The following ADGRD2 variants were observed in gnomAD, a reference collection of about 807,000 sequenced individuals.
The protein encoded by ADGRD2 is G protein-coupled receptor PGR24.
In ADGRD2, 71 loss-of-function variants were observed where a neutral mutation model predicts 44.4. The observed-to-expected ratio is 1.60, with a 90% CI of 1.32 to 1.95. ADGRD2 has a LOEUF of 1.95. ADGRD2 is among the 30% of genes most tolerant of loss of function. ADGRD2 has a pLI of 0.00. For synonymous variants in ADGRD2, 481 were observed against 224.8 expected (o/e 2.14, Z -10.19); for missense variants, 1,039 against 512.4 (o/e 2.03, Z -9.92).
Position 124,458,196 on chromosome 9 carries a change from C to T in ADGRD2, c.1726C>T (p.Gln576Ter), listed in dbSNP as rs376420490. 27 of 718,402 alleles carry T rather than the reference C, an allele frequency of 3.8e-5. No individual in the cohort carries two copies. Among genetic ancestry groups the T allele is most frequent in the Non-Finnish European group, 6.2e-5 (24 of 385,062 alleles). The allele number at this position is 718,402 out of a possible 1,614,324, so 44.5% of individuals were successfully genotyped here. ...CCTAGAGGGACCGGACCTAGAGCCCCAGGCCCCTGCCAGCTCAGAGGAGGC... is the reference window on the plus strand; with the variant it reads ...CCTAGAGGGACCGGACCTAGAGCCCTAGGCCCCTGCCAGCTCAGAGGAGGC... The change falls in exon 9 of 22, where the codon CAG becomes TAG. Residue 576 changes from glutamine to a stop codon, truncating the protein, a stop_gained. Transcript: ENST00000334810. LOFTEE classifies it high-confidence loss of function.
chr9:124,477,847 A>G (rs1832076992), intron 21 of ADGRD2, among the ~76,000 whole-genome samples: 1 of 151,054 alleles, frequency 6.6e-6, no homozygotes, highest in South Asian at 2.1e-4. Flanking sequence ...TGCAGGAACA[A>G]GAGAGCGGCG....
chr9:124,453,712 C>G, intron 3 of ADGRD2, 36 bp downstream of exon 6: 1 of 675,158 alleles, frequency 1.5e-6, no homozygotes, highest in Non-Finnish European at 2.7e-6. Flanking sequence ...ACCCCATGGC[C>G]CCGAATCCTT....
intron 16 of ADGRD2, among the ~76,000 whole-genome samples, chr9:124,470,171 A>G (rs1217353890): frequency 6.6e-6 from 1 of 151,940 alleles, no homozygotes; most frequent in Non-Finnish European, 1.5e-5. Flanking sequence ...AGTCCTTCTA[A>G]CCCCATCCCT....
chr9:124,470,350 C>T (rs971557054), intron 16 of ADGRD2, 144 bp from the exon 20 acceptor site: 31 of 578,036 alleles, frequency 5.4e-5, no homozygotes, highest in Non-Finnish European at 8.7e-5. Flanking sequence ...AAGGTTCTGG[C>T]TCCCTCTAAG....
intron 17 of ADGRD2, among the ~76,000 whole-genome samples, chr9:124,471,329 C>T (rs1279632099): frequency 6.6e-6 from 1 of 152,154 alleles, no homozygotes; most frequent in Non-Finnish European, 1.5e-5. Context: ...GCCCGGGTCC[C>T]TCTCAGGGCC....
At chr9:124,453,867 C>T in intron 3 of ADGRD2, 132 bp from the exon 7 acceptor site, 1 of 598,812 alleles carries the variant, frequency 1.7e-6, no homozygotes, top group Non-Finnish European at 3.0e-6. Context: ...TCCCCCGGCC[C>T]CCTTACCCCC....
exon 20 of ADGRD2, chr9:124,476,377 C>T (rs1325588495): frequency 1.4e-6 from 1 of 702,010 alleles, no homozygotes; most frequent in Non-Finnish European, 2.6e-6. Context: ...CCCTAGAACT[C>T]CCTCAGCATT....
At chr9:124,469,115 A>T in intron 14 of ADGRD2, 107 bp from the exon 18 acceptor site, 1 of 629,390 alleles carries the variant, frequency 1.6e-6, no homozygotes, top group Non-Finnish European at 2.9e-6. Flanking sequence ...CAGTGCCCCC[A>T]GTACAACCTC....
chr9:124,458,500 A>C, intron 9 of ADGRD2, 116 bp from the exon 13 acceptor site: 1 of 637,266 alleles, frequency 1.6e-6, no homozygotes, highest in African/African-American at 1.8e-5. Flanking sequence ...ACAATTCCTG[A>C]TATCCCTTCG....
chr9:124,472,691 G>A (rs533880907), intron 17 of ADGRD2, among the ~76,000 whole-genome samples: 2 of 151,868 alleles, frequency 1.3e-5, no homozygotes, highest in African/African-American at 2.4e-5. Context: ...ATTTTTAGTG[G>A]AGACGGGGGT....
intron 12 of ADGRD2, 82 bp downstream of exon 15, chr9:124,467,906 T>C: frequency 2.8e-6 from 2 of 709,732 alleles, no homozygotes; most frequent in Non-Finnish European, 5.3e-6. Flanking sequence ...TGGTCGGGTG[T>C]CCATCCTTGG....
chr9:124,451,705 A>G (rs1472514686), upstream of ADGRD2: 5 of 256,578 alleles, frequency 1.9e-5, no homozygotes, highest in Non-Finnish European at 3.1e-5. Flanking sequence ...GCCTCCTGGT[A>G]CCTTCACTTC....
chr9:124,451,324 G>T, upstream of ADGRD2: 2 of 429,318 alleles, frequency 4.7e-6, no homozygotes, highest in Non-Finnish European at 4.8e-6. Context: ...GCTCTGTTTC[G>T]CCCCTCTCTG....
chr9:124,454,064 G>C lies in ADGRD2; in HGVS notation c.991G>C (p.Glu331Gln). 1.4e-6 allele frequency: 1 copy of C among 714,076 alleles called. No homozygotes were observed. Among genetic ancestry groups the C allele is most frequent in the Non-Finnish European group, 2.6e-6 (1 of 383,570 alleles). The allele number at this position is 714,076 out of a possible 1,614,324, so 44.2% of individuals were successfully genotyped here. ...CAGTGAGGGCTCTGAGCTCTGCCTG[G>C]AGCCGCAGCCCTTCCTCTGCTGCTA... Residue 331 changes from glutamate (E) to glutamine (Q), a missense_variant, in exon 4 of 22, where the codon GAG (glutamate) becomes CAG (glutamine). Coordinates refer to ENST00000334810, the Ensembl canonical transcript of ADGRD2. The surrounding 1 kb of genome is among the most constrained non-coding windows in gnomAD (Gnocchi z 4.5).
At chr9:124,457,589 G>C (rs1352780119) in exon 8 of ADGRD2, 1 of 664,826 alleles carries the variant, frequency 1.5e-6, no homozygotes, top group East Asian at 2.7e-5. Flanking sequence ...AGTGAAGTGA[G>C]GCGACTCCTC....
At chr9:124,478,181 C>G (rs922121537) in intron 21 of ADGRD2, 100 bp from the exon 25 acceptor site, 2 of 152,408 alleles carry the variant, frequency 1.3e-5, no homozygotes, top group African/African-American at 4.8e-5. Context: ...GAGGACGGGC[C>G]AGGGTCTCCC....
At chr9:124,464,352 T>C (rs1831774931) in intron 10 of ADGRD2, among the ~76,000 whole-genome samples, 1 of 152,228 alleles carries the variant, frequency 6.6e-6, no homozygotes, top group African/African-American at 2.4e-5. Flanking sequence ...ATATATTTCT[T>C]TCCTTTTGCA....
At chr9:124,453,526 C>T (rs1208881690) in exon 3 of ADGRD2, 2 of 700,230 alleles carry the variant, frequency 2.9e-6, no homozygotes, top group Non-Finnish European at 5.2e-6. Context: ...CGACTTCCAC[C>T]TGTGGGCGCG....
Position 124,454,538 on chromosome 9 carries a change from G to C in ADGRD2, c.1079G>C (p.Ser360Thr), listed in dbSNP as rs1441815244. The C allele has an allele frequency of 1.4e-6, 1 of 717,182 alleles. No homozygotes were observed. Among genetic ancestry groups the C allele is most frequent in the African/African-American group, 1.7e-5 (1 of 57,256 alleles). The allele number at this position is 717,182 out of a possible 1,614,324, so 44.4% of individuals were successfully genotyped here. ...TCGTGGCCTGGCCAGGATGTTATCA[G>C]CCGAGTCAATGCCTTGGCCAACGAC... Residue 360 changes from serine (S) to threonine (T), a missense_variant, in exon 5 of 22, where the codon AGC becomes ACC. Transcript: ENST00000334810. This position sits in a 1 kb window ranked among gnomAD's most constrained non-coding sequence, Gnocchi z 4.5.
Sources: gnomAD v4.1 joint callset for allele counts (sites outside exome capture counted in the v4.1 genomes callset) on GRCh38, gnomAD v4.1.1 for gene constraint, Gnocchi (gnomAD v3.1) non-coding constraint, MANE v1.5 for transcripts, NCBI Gene and HGNC (gene_info 2026-07-23, HGNC 2026-07-21) for gene names.